Variants in DCAF8L2 observed in about 807,000 individuals in gnomAD.
DCAF8L2 encodes the protein DDB1 and CUL4 associated factor 8 like 2.
For synonymous variants in DCAF8L2, 200 were observed against 190.9 expected (o/e 1.05, Z -0.39); for missense variants, 430 against 490.7 (o/e 0.88, Z 1.17).
At chrX:27,648,847 T>G (rs1434477864) in intron 2 of DCAF8L2, among the ~76,000 whole-genome samples, 1 of 111,572 alleles carries the variant, frequency 9.0e-6, no homozygotes, top group African/African-American at 3.3e-5. Context: ...TCAAATGATT[T>G]TATTATTTCA....
upstream of DCAF8L2, among the ~76,000 whole-genome samples, chrX:27,588,538 G>A (rs753199364): frequency 6.9e-4 from 77 of 111,276 alleles, no homozygotes; most frequent in African/African-American, 2.5e-3. Context: ...TCTGTTTTAA[G>A]CTCTTTGAGG....
the DCAF8L2 span, among the ~76,000 whole-genome samples, chrX:27,583,628 C>A: frequency 9.0e-6 from 1 of 111,144 alleles, no homozygotes; most frequent in Non-Finnish European, 1.9e-5. Flanking sequence ...AGGAGGTGAG[C>A]GGTAGGTGAG....
intron 1 of DCAF8L2, among the ~76,000 whole-genome samples, chrX:27,609,350 G>A (rs1278962273): frequency 9.0e-6 from 1 of 111,687 alleles, no homozygotes; most frequent in African/African-American, 3.3e-5. Flanking sequence ...CCTGATAGGA[G>A]GTAAAGCTGT....
the DCAF8L2 span, among the ~76,000 whole-genome samples, chrX:27,514,690 AAAAAAC>A: frequency 2.3e-4 from 18 of 77,848 alleles, 2 homozygotes; most frequent in African/African-American, 9.8e-4. Flanking sequence ...AAAAAAAAAA[AAAAAAC>A]AAAAAAAAAA....
the DCAF8L2 span, among the ~76,000 whole-genome samples, chrX:27,531,476 T>C: frequency 8.9e-6 from 1 of 111,750 alleles, no homozygotes; most frequent in East Asian, 2.8e-4. Context: ...GTTGAATTAA[T>C]CCCATTAAAA....
chrX:27,474,622 T>A, the DCAF8L2 span, among the ~76,000 whole-genome samples: 157 of 112,411 alleles, frequency 1.4e-3, no homozygotes, highest in African/African-American at 5.0e-3. Context: ...CACTGGTTAC[T>A]GGTGACGTTG....
At chrX:27,642,793 T>G (rs1928790428) in intron 2 of DCAF8L2, among the ~76,000 whole-genome samples, 2 of 112,132 alleles carry the variant, frequency 1.8e-5, no homozygotes, top group Admixed American at 1.9e-4. Flanking sequence ...ATATAATTGA[T>G]ACACTATCAG....
the DCAF8L2 span, among the ~76,000 whole-genome samples, chrX:27,580,068 A>G: frequency 0.013 from 1,452 of 110,754 alleles, 12 homozygotes; most frequent in South Asian, 0.029. Flanking sequence ...TATAATCCAC[A>G]TTAATAAAAG....
At chrX:27,516,454 T>TCA in the DCAF8L2 span, among the ~76,000 whole-genome samples, 1,941 of 97,414 alleles carry the variant, frequency 0.02, 37 homozygotes, top group African/African-American at 0.06. Flanking sequence ...CATCTCTCTC[T>TCA]CACACACACA....
At chrX:27,508,901 G>A in the DCAF8L2 span, among the ~76,000 whole-genome samples, 2 of 109,976 alleles carry the variant, frequency 1.8e-5, no homozygotes, top group Non-Finnish European at 3.8e-5. Context: ...AAGTGTAGGT[G>A]CTTAGTCTAG....
intron 4 of DCAF8L2, among the ~76,000 whole-genome samples, chrX:27,722,597 A>G (rs1048420810): frequency 9.0e-6 from 1 of 111,427 alleles, no homozygotes; most frequent in Non-Finnish European, 1.9e-5. Context: ...TCACAACATC[A>G]TGAAGTCAAA....
the DCAF8L2 span, among the ~76,000 whole-genome samples, chrX:27,482,648 C>CA: frequency 1.8e-5 from 2 of 111,569 alleles, no homozygotes; most frequent in East Asian, 5.6e-4. Context: ...TGCTCCTTTA[C>CA]AAAAAATACT....
At chrX:27,483,258 C>T in the DCAF8L2 span, among the ~76,000 whole-genome samples, 1 of 111,202 alleles carries the variant, frequency 9.0e-6, no homozygotes, top group Non-Finnish European at 1.9e-5. Context: ...ATGCATAAGA[C>T]AAGATAATAA....
intron 2 of DCAF8L2, among the ~76,000 whole-genome samples, chrX:27,637,034 C>G (rs1389901162): frequency 8.9e-6 from 1 of 111,740 alleles, no homozygotes; most frequent in Non-Finnish European, 1.9e-5. Flanking sequence ...TACTGAGAAT[C>G]TCAGTTTAAA....
At chrX:27,702,060 T>C (rs1931148429) in intron 3 of DCAF8L2, among the ~76,000 whole-genome samples, 1 of 111,206 alleles carries the variant, frequency 9.0e-6, no homozygotes, top group South Asian at 3.7e-4. Context: ...GAGAAAATAA[T>C]TTTAAGAAAA....
intron 3 of DCAF8L2, among the ~76,000 whole-genome samples, chrX:27,707,518 A>T (rs968823104): frequency 1.8e-5 from 2 of 111,822 alleles, no homozygotes; most frequent in Admixed American, 1.9e-4. Flanking sequence ...TGTTTGAAAA[A>T]TTTCAAATAT....
At chrX:27,481,586 C>T in the DCAF8L2 span, among the ~76,000 whole-genome samples, 9 of 110,611 alleles carry the variant, frequency 8.1e-5, no homozygotes, top group East Asian at 8.6e-4. Context: ...AATAAAAAAG[C>T]GATGCTAGTT....
intron 1 of DCAF8L2, among the ~76,000 whole-genome samples, chrX:27,591,685 C>T (rs901936588): frequency 9.8e-5 from 11 of 111,732 alleles, no homozygotes; most frequent in African/African-American, 3.6e-4. Context: ...CATTATATTT[C>T]TCTGCATACA....
intron 1 of DCAF8L2, among the ~76,000 whole-genome samples, chrX:27,598,991 A>ATG (rs1926507193): frequency 1.9e-5 from 2 of 106,474 alleles, no homozygotes; most frequent in African/African-American, 6.8e-5. Flanking sequence ...ATATATATAT[A>ATG]TGATCCAGCA....
Sources: allele counts gnomAD v4.1 joint callset (sites outside exome capture counted in the v4.1 genomes callset), GRCh38; gene constraint gnomAD v4.1.1; transcripts MANE v1.5; gene names NCBI Gene and HGNC (gene_info 2026-07-23, HGNC 2026-07-21).